The following CPEB2 variants were observed in gnomAD, a reference collection of about 807,000 sequenced individuals.
CPEB2 encodes the protein cytoplasmic polyadenylation element-binding protein 2.
In CPEB2, 56 loss-of-function variants were observed where a neutral mutation model predicts 93.6. The ratio of observed to expected loss-of-function variants is 0.60; its 90% CI spans 0.48 to 0.75. The LOEUF is 0.75. Ranked by LOEUF, CPEB2 falls within the 30% of genes least tolerant of loss-of-function variation. The probability of loss-of-function intolerance (pLI) is 0.00; values close to 1 mark genes in which losing one functional copy is unlikely to be tolerated. For synonymous variants in CPEB2, 764 were observed against 586.3 expected (o/e 1.30, Z -4.38); for missense variants, 1,579 against 1,395.1 (o/e 1.13, Z -2.10).
At chr4:15,042,979 C>T (rs1727327895) in intron 6 of CPEB2, among the ~76,000 whole-genome samples, 1 of 152,110 alleles carries the variant, frequency 6.6e-6, no homozygotes, top group South Asian at 2.1e-4. Flanking sequence ...TCGGATGTGT[C>T]ACACTGAGTT....
chr4:15,016,274 T>C (rs1051742732), intron 3 of CPEB2, among the ~76,000 whole-genome samples: 2 of 152,046 alleles, frequency 1.3e-5, no homozygotes, highest in African/African-American at 4.8e-5. Context: ...TTGGGAAGAC[T>C]CCTAGATTAT....
chr4:15,041,740 G>A (rs1032240841), intron 6 of CPEB2, among the ~76,000 whole-genome samples: 2 of 152,146 alleles, frequency 1.3e-5, no homozygotes, highest in African/African-American at 4.8e-5. Context: ...AGTCATGAAT[G>A]TGTGTACTTT....
chr4:15,062,971 C>T (rs1729338641), intron 11 of CPEB2, among the ~76,000 whole-genome samples: 1 of 151,882 alleles, frequency 6.6e-6, no homozygotes, highest in Non-Finnish European at 1.5e-5. Context: ...CTATTTTATG[C>T]CAAAATCTGT....
At chr4:15,022,077 T>G (rs1724868515) in intron 4 of CPEB2, among the ~76,000 whole-genome samples, 1 of 152,138 alleles carries the variant, frequency 6.6e-6, no homozygotes, top group Admixed American at 6.6e-5. Flanking sequence ...TATTTAGAAT[T>G]TAAGAACTGT....
chr4:15,002,715 C>G lies in CPEB2; in HGVS notation c.42C>G (p.Leu14=), dbSNP rs756518921. The G allele has an allele frequency of 2.0e-6, 3 of 1,527,390 alleles. No individual in the cohort carries two copies. In the South Asian group the frequency reaches 3.6e-5, roughly 18 times the overall value. The allele number at this position is 1,527,390 out of a possible 1,614,324, so 94.6% of individuals were successfully genotyped here. Residue 14 remains leucine, a synonymous_variant, in exon 1 of 12, where the codon CTC becomes CTG. Transcript: ENST00000538197. ...TTGGGGTGCTGCAGACCGCCCCGCT[C>G]CGAAGTAGCAGTCCTGGGCCCCTGT... ...FGFGVLQTAP[L]RSSSPGPLFC...
chr4:15,015,441 C>G (rs1428444414), intron 3 of CPEB2, among the ~76,000 whole-genome samples: 4 of 151,930 alleles, frequency 2.6e-5, no homozygotes, highest in Admixed American at 2.6e-4. Flanking sequence ...TCTAGCATTC[C>G]TTCCGTCATT....
At chr4:15,064,879 T>C (rs183786596) in intron 11 of CPEB2, among the ~76,000 whole-genome samples, 1 of 152,108 alleles carries the variant, frequency 6.6e-6, no homozygotes, top group Admixed American at 6.6e-5. Context: ...TGTTAAAGAT[T>C]GTAAAGCCAC....
chr4:15,044,269 A>G (rs1488637821), intron 6 of CPEB2, among the ~76,000 whole-genome samples: 1 of 152,210 alleles, frequency 6.6e-6, no homozygotes, highest in Non-Finnish European at 1.5e-5. Context: ...CCTTGAAACT[A>G]CAATGATAGC....
chr4:15,008,473 A>T (rs1343052094), intron 3 of CPEB2, 46 bp downstream of exon 3: 3 of 1,278,674 alleles, frequency 2.3e-6, no homozygotes, highest in Non-Finnish European at 3.4e-6. Flanking sequence ...TTAGGAGTTT[A>T]GTATTTATAT....
Position 15,003,275 on chromosome 4 carries a change from C to A in CPEB2, c.602C>A (p.Pro201Gln). 6.6e-7 allele frequency: 1 copy of A among 1,524,730 alleles called. No homozygotes were observed. The highest frequency in any genetic ancestry group is 8.8e-7 in the Non-Finnish European group (1 of 1,141,948). The allele number at this position is 1,524,730 out of a possible 1,614,324, so 94.5% of individuals were successfully genotyped here. ...TCGAAGCCGCCGCCGCCGCCTCCGC[C>A]GCTCCACTGCCCCGGTCGGTTCAGC... The part of the protein sequence containing the change: ...PDSKPPPPPP[P>Q]LHCPGRFSPP... The change falls in exon 1 of 12, where the codon CCG becomes CAG. Residue 201 changes from proline to glutamine, a missense_variant. By Grantham distance (76) the Pro-to-Gln change is moderately conservative (BLOSUM62 -1). This residue lies in a region of CPEB2 where 1,411 missense variants were observed against 1,056.0 expected (regional missense o/e 1.34). Coordinates refer to ENST00000538197, the MANE Select transcript of CPEB2 (RefSeq NM_001177382.2).
Position 15,003,179 on chromosome 4 carries a change from G to GGCA in CPEB2, c.518_520dup (p.Gln173dup), listed in dbSNP as rs576522935. 20,461 of 1,533,660 alleles carry GGCA rather than the reference G, an allele frequency of 0.013. 155 individuals are homozygous for GGCA. Among genetic ancestry groups the GGCA allele is most frequent in the Non-Finnish European group, 0.015 (17,460 of 1,146,038 alleles). ...TCCTCCCCGCAGGACTTCAGTAAGC[G>GGCA]GCAGCAGCAGCAGCTGAGCAGCCAG... On this transcript the variant is annotated inframe_insertion, in exon 1 of 12. Transcript: ENST00000538197.
chr4:15,003,598 CCCGCG>C lies in CPEB2; in HGVS notation c.929_933del (p.Ala310GlyfsTer16), dbSNP rs1340648318. Reference sequence around the variant, plus strand: ...CTTGGCCTCCTCGACGCCGGTGAACCCCGCGCCGGGCTCCATGGAGTCCCCCAACC... The same window carrying C: ...CTTGGCCTCCTCGACGCCGGTGAACCCCGGGCTCCATGGAGTCCCCCAACC... On this transcript the variant is annotated frameshift_variant, in exon 1 of 12. Coordinates refer to ENST00000538197, the MANE Select transcript of CPEB2 (RefSeq NM_001177382.2). LOFTEE classifies it high-confidence loss of function. 6.8e-7 allele frequency: 1 copy of C among 1,476,884 alleles called. No individual in the cohort carries two copies. The highest frequency in any genetic ancestry group is 8.9e-7 in the Non-Finnish European group (1 of 1,118,190). The allele number at this position is 1,476,884 out of a possible 1,614,324, so 91.5% of individuals were successfully genotyped here.
intron 6 of CPEB2, among the ~76,000 whole-genome samples, chr4:15,040,782 CTTAAATATG>C (rs1727095995): frequency 6.6e-6 from 1 of 152,050 alleles, no homozygotes; most frequent in East Asian, 1.9e-4. Flanking sequence ...GGTTTGTCTG[CTTAAATATG>C]TTTAATATTA....
chr4:15,012,314 T>C (rs926920310), intron 3 of CPEB2, among the ~76,000 whole-genome samples: 2 of 152,034 alleles, frequency 1.3e-5, no homozygotes, highest in Non-Finnish European at 2.9e-5. Flanking sequence ...TTCTTGTGAG[T>C]ACTAGAATAG....
chr4:15,021,901 A>G (rs1231954516), intron 4 of CPEB2, among the ~76,000 whole-genome samples: 1 of 152,150 alleles, frequency 6.6e-6, no homozygotes, highest in Admixed American at 6.6e-5. Flanking sequence ...CTGAGAAAAT[A>G]AGGAGTTATT....
chr4:15,006,061 AT>A (rs34734603), intron 1 of CPEB2, among the ~76,000 whole-genome samples: 69,351 of 151,938 alleles, frequency 0.46, 17,281 homozygotes, highest in East Asian at 0.75. Context: ...CAGCTTTCAT[AT>A]GGAATTTTAG....
chr4:15,014,734 A>C (rs1723903896), intron 3 of CPEB2, among the ~76,000 whole-genome samples: 1 of 152,072 alleles, frequency 6.6e-6, no homozygotes, highest in Non-Finnish European at 1.5e-5. Context: ...AACAGACATG[A>C]GAACTAACTA....
chr4:15,017,033 A>T (rs537202465), intron 3 of CPEB2, among the ~76,000 whole-genome samples, 155 bp from the exon 4 acceptor site: 1 of 151,998 alleles, frequency 6.6e-6, no homozygotes, highest in Non-Finnish European at 1.5e-5. Flanking sequence ...ATTGTAGTTC[A>T]TGAGATCTTT....
At chr4:15,036,174 T>A (rs746046914) in intron 5 of CPEB2, among the ~76,000 whole-genome samples, 2 of 152,096 alleles carry the variant, frequency 1.3e-5, no homozygotes, top group Non-Finnish European at 2.9e-5. Flanking sequence ...ATATATTTTT[T>A]AAAAAAGAGG....
Sources: allele counts gnomAD v4.1 joint callset (sites outside exome capture counted in the v4.1 genomes callset), GRCh38; gene constraint gnomAD v4.1.1; regional missense constraint gnomAD v4.1.1; transcripts MANE v1.5; gene names NCBI Gene and HGNC (gene_info 2026-07-23, HGNC 2026-07-21).